FMN1: variants seen among roughly 807,000 people sequenced by gnomAD.
FMN1 encodes the protein formin-1.
FMN1 carries 110 observed loss-of-function variants against 132.4 expected under a neutral mutation model. The observed-to-expected ratio is 0.83, with a 90% CI of 0.71 to 0.97. FMN1 has a LOEUF of 0.97. Among genes scored for constraint, FMN1 ranks in the 50% least tolerant of loss-of-function variants. The pLI is 0.00. For synonymous variants in FMN1, 722 were observed against 651.7 expected (o/e 1.11, Z -1.64); for missense variants, 1,792 against 1,705.3 (o/e 1.05, Z -0.90).
chr15:32,910,053 C>A (rs2060520009), intron 11 of FMN1, among the ~76,000 whole-genome samples: 1 of 152,214 alleles, frequency 6.6e-6, no homozygotes, highest in South Asian at 2.1e-4. Context: ...TACCATTCTA[C>A]ACACCTTCCC....
intron 19 of FMN1, among the ~76,000 whole-genome samples, chr15:32,785,224 T>A (rs1340865904): frequency 0.014 from 991 of 73,364 alleles, 115 homozygotes; most frequent in Middle Eastern, 0.037. Context: ...ATATATTTTT[T>A]TTTTTTTTTT....
intron 9 of FMN1, among the ~76,000 whole-genome samples, chr15:32,956,018 C>T (rs2061759546): frequency 6.6e-6 from 1 of 152,154 alleles, no homozygotes; most frequent in African/African-American, 2.4e-5. Context: ...TCCCAATACT[C>T]TGTGTGGGTA....
At chr15:33,083,540 A>T (rs8032014) in intron 5 of FMN1, among the ~76,000 whole-genome samples, 3,862 of 152,260 alleles carry the variant, frequency 0.025, 166 homozygotes, top group African/African-American at 0.088. Flanking sequence ...CTACCCAAAG[A>T]AGTTCTGTCT....
At chr15:33,006,108 A>T (rs2034402608) in intron 7 of FMN1, among the ~76,000 whole-genome samples, 1 of 152,216 alleles carries the variant, frequency 6.6e-6, no homozygotes, top group South Asian at 2.1e-4. Context: ...TTTTAAAAGC[A>T]CATTATCATT....
chr15:33,082,279 G>T (rs2038512158), intron 5 of FMN1, among the ~76,000 whole-genome samples: 2 of 152,072 alleles, frequency 1.3e-5, no homozygotes, highest in South Asian at 4.2e-4. Context: ...CATCATGTTG[G>T]TCAGGCTGGT....
intron 16 of FMN1, among the ~76,000 whole-genome samples, chr15:32,863,632 T>C (rs987787284): frequency 1.3e-5 from 2 of 152,172 alleles, no homozygotes; most frequent in African/African-American, 4.8e-5. Flanking sequence ...CACGCAGTAA[T>C]TATTGTTTCT....
At chr15:32,983,523 C>T (rs916239984) in intron 7 of FMN1, among the ~76,000 whole-genome samples, 4 of 151,812 alleles carry the variant, frequency 2.6e-5, no homozygotes, top group Non-Finnish European at 4.4e-5. Flanking sequence ...TATATCTCAT[C>T]GAAAAAACCT....
In FMN1 at chr15:32,804,325, T is replaced by C. The variant is rs1339959944; in HGVS notation, c.3936A>G (p.Lys1312=). 3 of 1,559,178 alleles carry C rather than the reference T, an allele frequency of 1.9e-6. No individual in the cohort carries two copies. The highest frequency in any genetic ancestry group is 1.2e-5 in the South Asian group (1 of 84,546). Residue 1312 remains lysine (K), a synonymous_variant, in exon 18 of 21, where the codon AAA becomes AAG. Coordinates refer to ENST00000616417, the MANE Select transcript of FMN1 (RefSeq NM_001277313.2). ...AGTGACTTTCTTCCATCTTATGCTC[T>C]TTTTTGGCTGTAAAAGATAAATCAT... The part of the protein sequence containing the change: ...KLEEFFQKAK[K]EHKMEESHLE...
At chr15:33,066,177 G>C (rs1461124493) in intron 5 of FMN1, among the ~76,000 whole-genome samples, 1 of 152,164 alleles carries the variant, frequency 6.6e-6, no homozygotes, top group East Asian at 1.9e-4. Flanking sequence ...CTGTAAACCT[G>C]GGCTATACTG....
At position 33,193,482 on chromosome 15, in the gene FMN1, C is replaced by G. The variant is rs540079933; in HGVS notation, c.-197+427G>C. Reference sequence around the variant, plus strand: ...GGGCATAGCAGATGATGGCACATGTCCCATATGCAAACATGAATAGTAAAC... The same window carrying G: ...GGGCATAGCAGATGATGGCACATGTGCCATATGCAAACATGAATAGTAAAC... On this transcript the variant is annotated intron_variant, in intron 2 of 20. Transcript: ENST00000616417. Among the ~76,000 whole-genome samples the G allele has an allele frequency of 1.8e-4, 27 of 152,210 alleles. No individual in the cohort carries two copies. In the South Asian group the frequency reaches 5.2e-3, roughly 29 times the overall value.
intron 4 of FMN1, among the ~76,000 whole-genome samples, chr15:33,100,245 T>C (rs1376650353): frequency 7.1e-6 from 1 of 140,054 alleles, no homozygotes; most frequent in Non-Finnish European, 1.5e-5. Flanking sequence ...AAAAAAAAGG[T>C]AGGAAATATA....
At chr15:32,802,563 G>A (rs1181714916) in intron 18 of FMN1, among the ~76,000 whole-genome samples, 1 of 152,130 alleles carries the variant, frequency 6.6e-6, no homozygotes, top group African/African-American at 2.4e-5. Context: ...TGACATGAAA[G>A]CTAGACTACC....
intron 4 of FMN1, among the ~76,000 whole-genome samples, chr15:33,138,141 G>A (rs535880307): frequency 6.6e-6 from 1 of 152,310 alleles, no homozygotes; most frequent in Non-Finnish European, 1.5e-5. Flanking sequence ...TGCCTGCTAT[G>A]ACACAGGACA....
intron 17 of FMN1, among the ~76,000 whole-genome samples, chr15:32,823,152 G>GT (rs373185751): frequency 0.16 from 13,581 of 85,464 alleles, 2,948 homozygotes; most frequent in Non-Finnish European, 0.21. Flanking sequence ...AGTTTCTACT[G>GT]TTTTTTTTTT....
At chr15:32,924,888 T>C (rs1026513902) in intron 10 of FMN1, among the ~76,000 whole-genome samples, 1 of 152,180 alleles carries the variant, frequency 6.6e-6, no homozygotes, top group African/African-American at 2.4e-5. Flanking sequence ...CACTCCAGCC[T>C]GGGCAATAAG....
intron 4 of FMN1, among the ~76,000 whole-genome samples, chr15:33,102,616 T>A (rs561738824): frequency 1.2e-3 from 187 of 152,218 alleles, no homozygotes; most frequent in South Asian, 0.012. Flanking sequence ...TATTGGGTAT[T>A]ATGGAGACCA....
chr15:32,938,804 A>T (rs2061336784), intron 9 of FMN1, among the ~76,000 whole-genome samples: 1 of 152,208 alleles, frequency 6.6e-6, no homozygotes, highest in South Asian at 2.1e-4. Flanking sequence ...ATGTGTTTTC[A>T]TGATTTTATT....
intron 4 of FMN1, among the ~76,000 whole-genome samples, chr15:33,139,893 C>T (rs1156693268): frequency 1.3e-5 from 2 of 152,084 alleles, no homozygotes; most frequent in Non-Finnish European, 2.9e-5. Flanking sequence ...AAATCATATA[C>T]TCCTATGTGG....
intron 7 of FMN1, among the ~76,000 whole-genome samples, chr15:32,971,135 A>G (rs1343618834): frequency 2.6e-5 from 4 of 152,220 alleles, no homozygotes; most frequent in Non-Finnish European, 2.9e-5. Context: ...AAGTATAAAT[A>G]ATAGCCATCT....
Sources: gnomAD v4.1 joint callset for allele counts (sites outside exome capture counted in the v4.1 genomes callset) on GRCh38, gnomAD v4.1.1 for gene constraint, MANE v1.5 for transcripts, NCBI Gene and HGNC (gene_info 2026-07-23, HGNC 2026-07-21) for gene names.